The following MACROD2 variants were observed in gnomAD, a reference collection of about 807,000 sequenced individuals.
MACROD2 encodes ADP-ribose glycohydrolase MACROD2.
A neutral mutation model predicts 70.4 loss-of-function variants in MACROD2; 36 were observed. The ratio of observed to expected loss-of-function variants is 0.51; its 90% confidence interval spans 0.39 to 0.68. The LOEUF is 0.68. MACROD2 is among the 30% of genes least tolerant of loss of function. MACROD2 has a pLI of 0.00. For missense variants in MACROD2, 496 were observed against 538.4 expected (o/e 0.92, Z 0.78); for synonymous variants, 172 against 178.8 (o/e 0.96, Z 0.30).
At chr20:15,471,917 G>A (rs1293801363) in intron 7 of MACROD2, among the ~76,000 whole-genome samples, 2 of 151,958 alleles carry the variant, frequency 1.3e-5, no homozygotes, top group African/African-American at 4.8e-5. Flanking sequence ...AAACAAATCT[G>A]TCCTCTTACT....
chr20:15,227,822 T>TG (rs1247684298), intron 5 of MACROD2, among the ~76,000 whole-genome samples: 3 of 95,706 alleles, frequency 3.1e-5, no homozygotes, highest in Non-Finnish European at 6.3e-5. Context: ...GAATTTCACC[T>TG]GTTTTTTTTT....
chr20:14,780,069 A>T (rs1483979118), intron 5 of MACROD2, among the ~76,000 whole-genome samples: 1 of 152,106 alleles, frequency 6.6e-6, no homozygotes, highest in African/African-American at 2.4e-5. Context: ...CACACTTAAA[A>T]AAGTGGTCAA....
At chr20:15,897,452 G>A (rs1215556405) in intron 10 of MACROD2, among the ~76,000 whole-genome samples, 1 of 151,966 alleles carries the variant, frequency 6.6e-6, no homozygotes. Flanking sequence ...TCTTTCATTA[G>A]TTCTGAAAAA....
chr20:14,109,615 G>A (rs765595945), intron 3 of MACROD2, among the ~76,000 whole-genome samples: 29 of 151,778 alleles, frequency 1.9e-4, no homozygotes, highest in Non-Finnish European at 4.0e-4. Flanking sequence ...GCTACTATGA[G>A]CAATAGCATA....
chr20:15,845,632 C>A (rs2064222675), intron 8 of MACROD2, among the ~76,000 whole-genome samples: 1 of 151,870 alleles, frequency 6.6e-6, no homozygotes. Context: ...TTTATCTTGG[C>A]CTTCAATTTC....
chr20:14,039,724 G>T lies in MACROD2; in HGVS notation c.163+37320G>T, dbSNP rs550486821. On this transcript the variant is annotated intron_variant, in intron 2 of 17. Coordinates refer to ENST00000684519, the MANE Select transcript of MACROD2 (RefSeq NM_001351661.2). ...CCTGTATAGCCAGTGTGTTTTTTAG[G>T]TTGGCATATATAAGTGATATTGATA... Among the ~76,000 whole-genome samples, 8 of 151,798 alleles carry T rather than the reference G, an allele frequency of 5.3e-5. No homozygotes were observed. The East Asian group carries it at 1.5e-3, about 29-fold the overall frequency.
intron 5 of MACROD2, among the ~76,000 whole-genome samples, chr20:14,887,340 A>C (rs1229615653): frequency 6.6e-6 from 1 of 152,068 alleles, no homozygotes; most frequent in East Asian, 1.9e-4. Flanking sequence ...AATAGACTTG[A>C]ATATATTAGA....
intron 8 of MACROD2, among the ~76,000 whole-genome samples, chr20:15,593,817 C>T (rs969949980): frequency 8.5e-5 from 13 of 152,164 alleles, no homozygotes; most frequent in African/African-American, 3.1e-4. Flanking sequence ...TATTTCATAT[C>T]ATATCAGCTT....
chr20:15,621,742 GGA>G (rs542119369), intron 8 of MACROD2, among the ~76,000 whole-genome samples: 17 of 152,148 alleles, frequency 1.1e-4, no homozygotes, highest in Non-Finnish European at 2.5e-4. Flanking sequence ...CGCTCCCCTT[GGA>G]CTGATTAAGT....
intron 3 of MACROD2, among the ~76,000 whole-genome samples, chr20:14,225,542 T>G (rs1430211196): frequency 6.6e-6 from 1 of 152,208 alleles, no homozygotes; most frequent in Non-Finnish European, 1.5e-5. Flanking sequence ...ACTGAAACAG[T>G]TTCACTTTGA....
intron 3 of MACROD2, among the ~76,000 whole-genome samples, chr20:14,170,441 T>G (rs2081210450): frequency 6.6e-6 from 1 of 152,196 alleles, no homozygotes; most frequent in South Asian, 2.1e-4. Flanking sequence ...GGGGAAATGC[T>G]TTCAAGTTTT....
intron 3 of MACROD2, among the ~76,000 whole-genome samples, chr20:14,288,129 G>A (rs970476158): frequency 1.3e-5 from 2 of 151,668 alleles, no homozygotes; most frequent in African/African-American, 4.8e-5. Context: ...CTACAAGGTA[G>A]GGTGTACCTT....
At chr20:15,701,041 C>T (rs149605578) in intron 8 of MACROD2, among the ~76,000 whole-genome samples, 1,540 of 152,274 alleles carry the variant, frequency 0.01, 26 homozygotes, top group African/African-American at 0.035. Flanking sequence ...ATCTGGGAAC[C>T]AAATTTTGAG....
chr20:15,777,413 G>T (rs1479711970), intron 8 of MACROD2, among the ~76,000 whole-genome samples: 1 of 149,824 alleles, frequency 6.7e-6, no homozygotes, highest in Non-Finnish European at 1.5e-5. Flanking sequence ...CCTATTTTCT[G>T]CATGAAGAGA....
intron 3 of MACROD2, among the ~76,000 whole-genome samples, chr20:14,215,896 A>G (rs1407392690): frequency 6.6e-6 from 1 of 152,070 alleles, no homozygotes; most frequent in Non-Finnish European, 1.5e-5. Flanking sequence ...TTCATTGGAT[A>G]TTAGACTGGA....
intron 4 of MACROD2, among the ~76,000 whole-genome samples, chr20:14,634,748 C>T (rs989656693): frequency 1.2e-4 from 19 of 152,152 alleles, no homozygotes; most frequent in Admixed American, 4.6e-4. Context: ...CCAAAATAGG[C>T]ATAGCATGTT....
chr20:14,075,323 G>T (rs1164746600), intron 2 of MACROD2, among the ~76,000 whole-genome samples: 2 of 152,194 alleles, frequency 1.3e-5, no homozygotes, highest in East Asian at 3.9e-4. Context: ...CCGTGGAAAA[G>T]ACATTAAATT....
chr20:15,342,904 G>C (rs937483759), intron 6 of MACROD2, among the ~76,000 whole-genome samples: 1 of 152,128 alleles, frequency 6.6e-6, no homozygotes, highest in Non-Finnish European at 1.5e-5. Context: ...CTTTTTTGCT[G>C]TGCGATTTCC....
chr20:15,883,654 G>A (rs189886519), intron 9 of MACROD2, among the ~76,000 whole-genome samples: 16 of 152,100 alleles, frequency 1.1e-4, no homozygotes, highest in African/African-American at 3.9e-4. Context: ...AAATTTGGCT[G>A]GGATGACTAA....
Sources: gnomAD v4.1 joint callset for allele counts (sites outside exome capture counted in the v4.1 genomes callset) on GRCh38, gnomAD v4.1.1 for gene constraint, MANE v1.5 for transcripts, NCBI Gene and HGNC (gene_info 2026-07-23, HGNC 2026-07-21) for gene names.